Variants in CLVS2 observed in about 807,000 individuals in gnomAD.
CLVS2 encodes clavesin-2.
Under a neutral mutation model 29.0 loss-of-function variants are expected in CLVS2, and 19 were observed. That is an observed-to-expected ratio of 0.66 (90% confidence interval 0.46 to 0.96). The LOEUF (loss-of-function observed/expected upper bound fraction) is 0.96. Ranked by LOEUF, CLVS2 falls within the 40% of genes least tolerant of loss-of-function variation. CLVS2 has a pLI of 0.00. For missense variants in CLVS2, 294 were observed against 404.1 expected, an observed-to-expected ratio of 0.73 and a Z score of 2.34; for synonymous variants, 161 against 151.3, an observed-to-expected ratio of 1.06 and a Z score of -0.47.
At chr6:123,040,769 A>AAAAAGAAAAGAAAG (rs1775217654) in intron 3 of CLVS2, among the ~76,000 whole-genome samples, 1 of 145,958 alleles carries the variant, frequency 6.9e-6, no homozygotes, top group African/African-American at 2.5e-5. Context: ...CTCCGTCTCA[A>AAAAAGAAAAGAAAG]AAAAGAAAAG....
intron 5 of CLVS2, among the ~76,000 whole-genome samples, chr6:123,059,301 C>T (rs947131340): frequency 1.6e-4 from 25 of 152,136 alleles, no homozygotes; most frequent in Non-Finnish European, 3.1e-4. Flanking sequence ...ATTTTATTCT[C>T]TTCATAACAC....
chr6:123,038,448 AT>A (rs919985183), intron 3 of CLVS2, among the ~76,000 whole-genome samples: 32 of 151,780 alleles, frequency 2.1e-4, no homozygotes, highest in Admixed American at 7.9e-4. Context: ...CTTTGTGCCA[AT>A]TTTTTTTAAA....
chr6:123,015,542 C>T (rs1354975220), intron 3 of CLVS2, among the ~76,000 whole-genome samples: 1 of 152,046 alleles, frequency 6.6e-6, no homozygotes, highest in Non-Finnish European at 1.5e-5. Flanking sequence ...TTTCATGAAT[C>T]TTGTTTCTAT....
intron 3 of CLVS2, among the ~76,000 whole-genome samples, chr6:123,037,260 A>G (rs1395662910): frequency 6.6e-6 from 1 of 152,098 alleles, no homozygotes; most frequent in Non-Finnish European, 1.5e-5. Context: ...AACTGCTTTC[A>G]GCTATTCTCT....
rs1173893803 is a variant in CLVS2, at chr6:122,997,495, G to T, written c.-283G>T. On this transcript the variant is annotated 5_prime_UTR_variant, in exon 2 of 6. Coordinates refer to ENST00000275162, the MANE Select transcript of CLVS2 (RefSeq NM_001010852.4). ...AAGAGGAGTGCGGAGCCCTTCAGGG[G>T]TTCACATCTCTTTAAAGGAAAGGAA... The T allele has an allele frequency of 6.3e-6, 3 of 473,866 alleles. No homozygotes were observed. The highest frequency in any genetic ancestry group is 1.9e-5 in the African/African-American group (1 of 51,326). 29.4% of individuals were successfully genotyped at this position (473,866 alleles called of 1,614,324 possible).
intron 3 of CLVS2, among the ~76,000 whole-genome samples, chr6:123,035,396 ATAT>A (rs970888061): frequency 2.0e-5 from 3 of 152,118 alleles, no homozygotes; most frequent in Non-Finnish European, 4.4e-5. Flanking sequence ...AAAAAAGGAA[ATAT>A]TATCAAAATC....
intron 5 of CLVS2, among the ~76,000 whole-genome samples, chr6:123,056,565 A>G (rs1318683063): frequency 6.6e-6 from 1 of 152,192 alleles, no homozygotes; most frequent in Non-Finnish European, 1.5e-5. Context: ...ACCTCAACTT[A>G]GTGTTGTTCC....
At chr6:123,039,604 C>T (rs1202673473) in intron 3 of CLVS2, among the ~76,000 whole-genome samples, 1 of 152,150 alleles carries the variant, frequency 6.6e-6, no homozygotes, top group African/African-American at 2.4e-5. Context: ...ATCAGGCACA[C>T]ACCAGCAGCA....
At chr6:123,005,435 C>T (rs1204919446) in intron 2 of CLVS2, among the ~76,000 whole-genome samples, 5 of 151,996 alleles carry the variant, frequency 3.3e-5, no homozygotes, top group Non-Finnish European at 5.9e-5. Context: ...TGGGGGAAGC[C>T]TAAATAAAGA....
At chr6:123,041,861 A>G (rs1775238812) in intron 3 of CLVS2, among the ~76,000 whole-genome samples, 1 of 152,216 alleles carries the variant, frequency 6.6e-6, no homozygotes, top group South Asian at 2.1e-4. Context: ...TTAAAAATTA[A>G]TGCTAAAAAG....
chr6:123,017,956 G>A (rs376664296), intron 3 of CLVS2, among the ~76,000 whole-genome samples: 1 of 151,988 alleles, frequency 6.6e-6, no homozygotes, highest in Admixed American at 6.6e-5. Context: ...GAATTAAAGA[G>A]AATTACTAAT....
At chr6:123,038,399 G>T (rs939992640) in intron 3 of CLVS2, among the ~76,000 whole-genome samples, 2 of 151,988 alleles carry the variant, frequency 1.3e-5, no homozygotes, top group Admixed American at 1.3e-4. Flanking sequence ...GTAAATATTT[G>T]TTAAGTTTAA....
At chr6:123,015,152 A>G (rs1774808573) in intron 3 of CLVS2, among the ~76,000 whole-genome samples, 1 of 152,058 alleles carries the variant, frequency 6.6e-6, no homozygotes, top group African/African-American at 2.4e-5. Flanking sequence ...CTGTATTAAC[A>G]TGGCTAGAAT....
In CLVS2 at chr6:123,032,992, T is replaced by C. The variant is rs527855541; in HGVS notation, c.565-15630T>C. On this transcript the variant is annotated intron_variant, in intron 3 of 5. Coordinates refer to ENST00000275162, the MANE Select transcript of CLVS2 (RefSeq NM_001010852.4). ...GTAAGAGTTTTTTGAATTAGTCATTTCTTAGTTGTATTTTTTTCTGCTAAT... is the reference window on the plus strand; with the variant it reads ...GTAAGAGTTTTTTGAATTAGTCATTCCTTAGTTGTATTTTTTTCTGCTAAT... Among the ~76,000 whole-genome samples, 7 of 152,212 alleles carry C rather than the reference T, an allele frequency of 4.6e-5. No individual in the cohort carries two copies. The East Asian group carries it at 1.2e-3, about 25-fold the overall frequency.
chr6:123,032,916 A>T (rs73543783), intron 3 of CLVS2, among the ~76,000 whole-genome samples: 4,611 of 152,232 alleles, frequency 0.03, 219 homozygotes, highest in African/African-American at 0.1. Flanking sequence ...TGGGTATTCT[A>T]TAAATCCAGA....
At chr6:123,015,311 T>G (rs1017504099) in intron 3 of CLVS2, among the ~76,000 whole-genome samples, 1 of 151,986 alleles carries the variant, frequency 6.6e-6, no homozygotes, top group African/African-American at 2.4e-5. Flanking sequence ...TCCTAATCAC[T>G]TCTCTGATTT....
chr6:123,004,961 AAAAC>A (rs1012549599), intron 2 of CLVS2, among the ~76,000 whole-genome samples: 10 of 132,600 alleles, frequency 7.5e-5, no homozygotes, highest in South Asian at 5.1e-4. Flanking sequence ...AAAAAAAAAA[AAAAC>A]CAATTATCTA....
rs1363371066 is a variant in CLVS2, at chr6:123,072,030, T to A, written c.*8269T>A. On this transcript the variant is annotated 3_prime_UTR_variant, in exon 6 of 6. Transcript: ENST00000275162. ...TTTCCTATTTGGACTGACTTCTCCA[T>A]AATTTTAGTAACTAAATGACCTAGA... The A allele has an allele frequency of 6.6e-6, 1 of 152,048 alleles. No individual in the cohort carries two copies. The highest frequency in any genetic ancestry group is 1.5e-5 in the Non-Finnish European group (1 of 67,946). 9.4% of individuals were successfully genotyped at this position (152,048 alleles called of 1,614,324 possible).
intron 4 of CLVS2, among the ~76,000 whole-genome samples, chr6:123,051,307 A>T (rs1307432642): frequency 6.6e-6 from 1 of 152,170 alleles, no homozygotes; most frequent in Non-Finnish European, 1.5e-5. Flanking sequence ...GCTGCTGGGA[A>T]TATCACCCTT....
Sources: allele counts gnomAD v4.1 joint callset (sites outside exome capture counted in the v4.1 genomes callset), GRCh38; gene constraint gnomAD v4.1.1; transcripts MANE v1.5; gene names NCBI Gene and HGNC (gene_info 2026-07-23, HGNC 2026-07-21).